Variants in CEP350 observed in about 807,000 individuals in gnomAD.
The protein encoded by CEP350 is centrosome-associated protein 350.
Under a neutral mutation model 331.8 loss-of-function variants are expected in CEP350, and 126 were observed. The observed-to-expected ratio is 0.38, with a 90% CI of 0.33 to 0.44. The LOEUF is 0.44. CEP350 is among the 20% of genes least tolerant of loss of function. The probability of loss-of-function intolerance (pLI) is 1.00; values close to 1 mark genes in which losing one functional copy is unlikely to be tolerated. For synonymous variants in CEP350, 1,200 were observed against 1,259.5 expected, an observed-to-expected ratio of 0.95 and a Z score of 1.00; for missense variants, 3,406 against 3,634.6, an observed-to-expected ratio of 0.94 and a Z score of 1.62.
Position 180,093,456 on chromosome 1 carries a change from C to A in CEP350, c.7351C>A (p.His2451Asn). ...AAGCCTTTCTATCCATAGCAATGTT[C>A]ATTCTGACAGGCTGTTGGAACTCAA... is the stretch of plus-strand genomic sequence containing the variant. Reference protein sequence around the residue: ...EKSLSIHSNVHSDRLLELKSP... With the variant: ...EKSLSIHSNVNSDRLLELKSP... The change falls in exon 34 of 38, where the codon CAT (histidine) becomes AAT (asparagine). Residue 2451 changes from histidine to asparagine, a missense_variant. His to Asn is a moderately conservative substitution (Grantham distance 68). Transcript: ENST00000367607. 2 of 1,606,354 alleles carry A rather than the reference C, an allele frequency of 1.2e-6. No individual in the cohort carries two copies. Among genetic ancestry groups the A allele is most frequent in the South Asian group, 2.2e-5 (2 of 89,892 alleles).
In CEP350 at chr1:180,111,506, G is replaced by A. The variant is rs1661465325; in HGVS notation, c.*345G>A. On this transcript the variant is annotated 3_prime_UTR_variant, in exon 38 of 38. Transcript: ENST00000367607. ...CACTTCTTTGAGTCTGAAGTCAAGTGAGAGAGGTATAGATAAATGCATCAC... is the reference window on the plus strand; with the variant it reads ...CACTTCTTTGAGTCTGAAGTCAAGTAAGAGAGGTATAGATAAATGCATCAC... The A allele has an allele frequency of 5.2e-6, 1 of 194,006 alleles. No homozygotes were observed. Among genetic ancestry groups the A allele is most frequent in the African/African-American group, 2.3e-5 (1 of 43,062 alleles). 12.0% of individuals were successfully genotyped at this position (194,006 alleles called of 1,614,324 possible). A position where few individuals can be genotyped will look rare whatever the true frequency, so the allele number is the denominator to read the frequency against.
rs542715259 is a variant in CEP350, at chr1:180,072,631, T to C, written c.5568-2391T>C. On this transcript the variant is annotated intron_variant, in intron 27 of 37. Transcript: ENST00000367607. Reference sequence around the variant, plus strand: ...GCAGAAAATCAAGGCAATCCAGATATGAATATGTGTGTTTTTGCGTGTGTG... The same window carrying C: ...GCAGAAAATCAAGGCAATCCAGATACGAATATGTGTGTTTTTGCGTGTGTG... 8.5e-5 allele frequency among the ~76,000 whole-genome samples: 13 copies of C among 152,288 alleles called. No homozygotes were observed. In the East Asian group the frequency reaches 1.3e-3, roughly 16 times the overall value.
chr1:180,093,890 A>C lies in CEP350; in HGVS notation c.7785A>C (p.Gln2595His). 6.2e-7 allele frequency: 1 copy of C among 1,613,922 alleles called. No individual in the cohort carries two copies. Among genetic ancestry groups the C allele is most frequent in the South Asian group, 1.1e-5 (1 of 91,068 alleles). The change falls in exon 34 of 38, where the codon CAA (glutamine) becomes CAC (histidine). Residue 2595 changes from glutamine to histidine, a missense_variant. Gln to His is a conservative substitution (Grantham distance 24). This residue lies in a region of CEP350 where 1,415 missense variants were observed against 1,512.3 expected (regional missense o/e 0.94). Coordinates refer to ENST00000367607, the MANE Select transcript of CEP350 (RefSeq NM_014810.5). ...DERYQCYNQE[Q>H]NDTEGPKDRE... ...GATATCAGTGCTATAATCAAGAGCA[A>C]AATGATACAGAGGGTCCAAAAGACA...
intron 1 of CEP350, among the ~76,000 whole-genome samples, chr1:179,983,899 A>G (rs1049829995): frequency 6.6e-6 from 1 of 152,238 alleles, no homozygotes; most frequent in African/African-American, 2.4e-5. Flanking sequence ...AGGTTAAGAT[A>G]TAGAGCAGAA....
intron 22 of CEP350, among the ~76,000 whole-genome samples, chr1:180,051,552 T>G (rs1220703694): frequency 2.0e-5 from 3 of 152,236 alleles, no homozygotes; most frequent in Non-Finnish European, 4.4e-5. Context: ...TGTATGATGC[T>G]ATGTATTTGT....
chr1:180,017,264 G>A (rs1558102891), intron 11 of CEP350, among the ~76,000 whole-genome samples: 1 of 152,104 alleles, frequency 6.6e-6, no homozygotes. Flanking sequence ...CTCCCCAAAA[G>A]TGAAATGTTT....
Position 180,041,739 on chromosome 1 carries a change from A to G in CEP350, c.4299A>G (p.Lys1433=), listed in dbSNP as rs141396106. The change falls in exon 19 of 38, where the codon AAA becomes AAG. Residue 1433 remains lysine (K), a synonymous_variant. Coordinates refer to ENST00000367607, the MANE Select transcript of CEP350 (RefSeq NM_014810.5). ...AAGTCCTGCAGGAAGCAACGTGTAA[A>G]ATAGCAGCTCAGCAGTCAGAAACTG... ...VTEVLQEATC[K]IAAQQSETAR... 6.8e-4 allele frequency: 1,102 copies of G among 1,613,410 alleles called. 17 individuals carry two copies. The East Asian group carries it at 0.019, about 27-fold the overall frequency.
intron 26 of CEP350, 48 bp downstream of exon 26, chr1:180,062,414 C>G (rs776397623): frequency 1.3e-6 from 2 of 1,517,990 alleles, no homozygotes. Flanking sequence ...TTTTGATTGT[C>G]GGTATCTAAC....
chr1:180,024,581 A>G lies in CEP350; in HGVS notation c.3549A>G (p.Glu1183=). ...AGAAAGGAAAAAAGGAAAAGACAGA[A>G]TGTAAGTGGAATTCCACATGGTAAC... ...KGKKGKKEKT[E]WLDSFTGNVQ... The change falls in exon 14 of 38, where the codon GAA becomes GAG. Residue 1183 remains glutamate (E), a splice_region_variant and synonymous_variant. Transcript: ENST00000367607. 2 of 1,606,980 alleles carry G rather than the reference A, an allele frequency of 1.2e-6. No individual in the cohort carries two copies. Among genetic ancestry groups the G allele is most frequent in the Non-Finnish European group, 1.7e-6 (2 of 1,176,938 alleles).
chr1:179,960,633 G>T (rs1650537699), intron 1 of CEP350, among the ~76,000 whole-genome samples: 1 of 151,942 alleles, frequency 6.6e-6, no homozygotes, highest in South Asian at 2.1e-4. Flanking sequence ...TTGGGAGTTT[G>T]CTGTGATAAA....
chr1:180,093,014 T>C lies in CEP350; in HGVS notation c.6909T>C (p.Leu2303=). The C allele has an allele frequency of 6.2e-7, 1 of 1,604,758 alleles. No individual in the cohort carries two copies. The highest frequency in any genetic ancestry group is 8.5e-7 in the Non-Finnish European group (1 of 1,174,948). Residue 2303 remains leucine, a synonymous_variant, in exon 34 of 38, where the codon CTT becomes CTC. Transcript: ENST00000367607. Reference sequence around the variant, plus strand: ...CTGAAATTCTTTCAAAGAAAGATCTTCCTTTAGATTCTGAAAATGTTCAGA... The same window carrying C: ...CTGAAATTCTTTCAAAGAAAGATCTCCCTTTAGATTCTGAAAATGTTCAGA... ...DSSEILSKKD[L]PLDSENVQKD...
At chr1:179,988,472 G>T (rs575435150) in intron 3 of CEP350, among the ~76,000 whole-genome samples, 1 of 151,992 alleles carries the variant, frequency 6.6e-6, no homozygotes, top group Non-Finnish European at 1.5e-5. Context: ...GCTCTAGCTG[G>T]GACTTCCAGT....
At chr1:179,970,109 A>G (rs760163958) in intron 1 of CEP350, among the ~76,000 whole-genome samples, 1 of 152,162 alleles carries the variant, frequency 6.6e-6, no homozygotes, top group Non-Finnish European at 1.5e-5. Flanking sequence ...CTCTCCTAAA[A>G]TAAAAAACTA....
At chr1:180,074,573 C>T (rs1298235166) in intron 27 of CEP350, among the ~76,000 whole-genome samples, 3 of 152,010 alleles carry the variant, frequency 2.0e-5, no homozygotes, top group Non-Finnish European at 4.4e-5. Flanking sequence ...TGTTTGCTTG[C>T]TTGTTTTGGG....
chr1:180,054,508 T>G lies in CEP350; in HGVS notation c.5262+6T>G. 6.3e-7 allele frequency: 1 copy of G among 1,589,742 alleles called. No individual in the cohort carries two copies. Among genetic ancestry groups the G allele is most frequent in the South Asian group, 1.1e-5 (1 of 87,128 alleles). Reference sequence around the variant, plus strand: ...TAAGGTTGCAGCAAGAAAAGGTATGTTAGGGAAGGCACCCCTTTAGGACAG... The same window carrying G: ...TAAGGTTGCAGCAAGAAAAGGTATGGTAGGGAAGGCACCCCTTTAGGACAG... On this transcript the variant is annotated splice_donor_region_variant and intron_variant, in intron 25 of 37. Coordinates refer to ENST00000367607, the MANE Select transcript of CEP350 (RefSeq NM_014810.5).
chr1:180,045,136 G>A (rs1326014171), intron 21 of CEP350, among the ~76,000 whole-genome samples: 1 of 152,160 alleles, frequency 6.6e-6, no homozygotes, highest in African/African-American at 2.4e-5. Flanking sequence ...GAGGTTAGGA[G>A]TTCAAGACCA....
intron 1 of CEP350, among the ~76,000 whole-genome samples, chr1:179,959,609 C>G (rs959086950): frequency 1.3e-5 from 2 of 152,064 alleles, no homozygotes; most frequent in South Asian, 2.1e-4. Flanking sequence ...AAAAAACTAG[C>G]TGGGCATGGT....
At chr1:180,035,830 A>G (rs1036154393) in intron 16 of CEP350, among the ~76,000 whole-genome samples, 1 of 152,222 alleles carries the variant, frequency 6.6e-6, no homozygotes, top group Non-Finnish European at 1.5e-5. Flanking sequence ...TTCTGTACCC[A>G]TGGATCAAGT....
Position 180,053,033 on chromosome 1 carries a change from T to C in CEP350, c.4856T>C (p.Ile1619Thr). The C allele has an allele frequency of 6.5e-7, 1 of 1,527,890 alleles. No individual in the cohort carries two copies. The highest frequency in any genetic ancestry group is 9.1e-7 in the Non-Finnish European group (1 of 1,104,214). The allele number at this position is 1,527,890 out of a possible 1,614,324, so 94.6% of individuals were successfully genotyped here. ...KFDESMTEDEIEEQSFRSLLP... is the reference protein window; with the variant it reads ...KFDESMTEDETEEQSFRSLLP... ...GATGAATCCATGACAGAAGATGAAA[T>C]AGAAGAACAATCATTTCGATCATTA... Residue 1619 changes from isoleucine to threonine, a missense_variant, in exon 23 of 38, where the codon ATA (isoleucine) becomes ACA (threonine). Coordinates refer to ENST00000367607, the MANE Select transcript of CEP350 (RefSeq NM_014810.5).
Sources: allele counts gnomAD v4.1 joint callset (sites outside exome capture counted in the v4.1 genomes callset), GRCh38; gene constraint gnomAD v4.1.1; regional missense constraint gnomAD v4.1.1; transcripts MANE v1.5; gene names NCBI Gene and HGNC (gene_info 2026-07-23, HGNC 2026-07-21).